SLC16A2: variants seen among roughly 807,000 people sequenced by gnomAD.
SLC16A2 encodes the protein monocarboxylate transporter 8.
In SLC16A2, 3 loss-of-function variants were observed where a neutral mutation model predicts 27.2. The ratio of observed to expected loss-of-function variants is 0.11; its 90% CI spans 0.05 to 0.28. The LOEUF (loss-of-function observed/expected upper bound fraction) is 0.28. SLC16A2 is among the 10% of genes least tolerant of loss of function. SLC16A2 has a pLI of 1.00. For missense variants in SLC16A2, 295 were observed against 458.5 expected (o/e 0.64, Z 3.26); for synonymous variants, 202 against 187.8 (o/e 1.08, Z -0.62).
intron 1 of SLC16A2, among the ~76,000 whole-genome samples, chrX:74,487,670 A>G (rs975582543): frequency 8.9e-6 from 1 of 112,014 alleles, no homozygotes; most frequent in African/African-American, 3.2e-5. Context: ...GATGATACCA[A>G]TTTACAAAAT....
intron 1 of SLC16A2, among the ~76,000 whole-genome samples, chrX:74,491,417 T>A (rs1929822452): frequency 8.9e-6 from 1 of 112,278 alleles, no homozygotes; most frequent in South Asian, 3.7e-4. Flanking sequence ...AAGGAAATGT[T>A]TGGGCTAAGA....
intron 1 of SLC16A2, among the ~76,000 whole-genome samples, chrX:74,424,236 G>C (rs1407354598): frequency 9.0e-6 from 1 of 111,225 alleles, no homozygotes; most frequent in Non-Finnish European, 1.9e-5. Flanking sequence ...AAAGGAATTT[G>C]GTATGTCCCT....
At chrX:74,514,848 T>C (rs1930292118) in intron 1 of SLC16A2, among the ~76,000 whole-genome samples, 1 of 112,113 alleles carries the variant, frequency 8.9e-6, no homozygotes, top group South Asian at 3.7e-4. Flanking sequence ...AGAGTGTCAA[T>C]AGAAGCTAAG....
intron 1 of SLC16A2, among the ~76,000 whole-genome samples, chrX:74,470,718 G>A (rs187977911): frequency 5.4e-5 from 6 of 111,211 alleles, no homozygotes; most frequent in Admixed American, 1.9e-4. Flanking sequence ...AGGCCGAGGC[G>A]GGCAGATCAG....
chrX:74,528,222 T>C (rs1379635210), intron 4 of SLC16A2, among the ~76,000 whole-genome samples: 1 of 111,440 alleles, frequency 9.0e-6, no homozygotes, highest in Non-Finnish European at 1.9e-5. Context: ...TGGGATGACC[T>C]GGCTCTGACC....
chrX:74,463,189 G>A (rs1929186296), intron 1 of SLC16A2, among the ~76,000 whole-genome samples: 2 of 111,828 alleles, frequency 1.8e-5, no homozygotes. Flanking sequence ...GCTGACAAGT[G>A]CCTCCATCAC....
intron 1 of SLC16A2, among the ~76,000 whole-genome samples, chrX:74,495,876 A>G (rs1929924124): frequency 9.0e-6 from 1 of 111,098 alleles, no homozygotes; most frequent in Admixed American, 9.5e-5. Flanking sequence ...AGGCATTTTC[A>G]TCACCACAAC....
intron 1 of SLC16A2, among the ~76,000 whole-genome samples, chrX:74,433,747 T>C (rs1407951322): frequency 1.8e-5 from 2 of 111,968 alleles, no homozygotes; most frequent in South Asian, 7.4e-4. Context: ...TTCCATTTTA[T>C]GGCCATATCA....
At chrX:74,501,709 T>C (rs942531947) in intron 1 of SLC16A2, among the ~76,000 whole-genome samples, 1 of 111,005 alleles carries the variant, frequency 9.0e-6, no homozygotes, top group African/African-American at 3.3e-5. Context: ...GGCCTAAGGG[T>C]ATGGCCTCAG....
intron 1 of SLC16A2, among the ~76,000 whole-genome samples, chrX:74,467,607 G>A (rs149680282): frequency 0.029 from 3,191 of 111,715 alleles, 46 homozygotes; most frequent in Middle Eastern, 0.092. Context: ...AGCCTTGTAG[G>A]AACAAAGCCC....
chrX:74,446,583 G>A (rs1264839158), intron 1 of SLC16A2, among the ~76,000 whole-genome samples: 1 of 111,302 alleles, frequency 9.0e-6, no homozygotes, highest in African/African-American at 3.3e-5. Flanking sequence ...TCATACCACT[G>A]CACTCTAGCC....
At chrX:74,479,810 A>G (rs1396897157) in intron 1 of SLC16A2, among the ~76,000 whole-genome samples, 1 of 111,756 alleles carries the variant, frequency 8.9e-6, no homozygotes, top group African/African-American at 3.3e-5. Context: ...ATATTGGTGA[A>G]CAGCAAATGT....
chrX:74,511,586 C>T (rs1328135823), intron 1 of SLC16A2, among the ~76,000 whole-genome samples: 2 of 112,188 alleles, frequency 1.8e-5, no homozygotes, highest in African/African-American at 6.5e-5. Flanking sequence ...AAGTAAGATA[C>T]TGAGAGGACC....
chrX:74,524,823 G>A lies in SLC16A2; in HGVS notation c.1026+14G>A, dbSNP rs1569299878. The stretch of plus-strand genomic sequence containing the variant: ...TATGTACACCTGGTGAGGAATACCA[G>A]AGTGGGCCCACCCCACCTGGCCCCA... On this transcript the variant is annotated intron_variant, in intron 3 of 5. Coordinates refer to ENST00000587091, the MANE Select transcript of SLC16A2 (RefSeq NM_006517.5). 8.4e-7 allele frequency: 1 copy of A among 1,195,281 alleles called. No homozygotes were observed. The highest frequency in any genetic ancestry group is 3.0e-5 in the East Asian group (1 of 33,795).
At chrX:74,510,568 TA>T (rs1930211091) in intron 1 of SLC16A2, among the ~76,000 whole-genome samples, 1 of 109,499 alleles carries the variant, frequency 9.1e-6, no homozygotes, top group South Asian at 3.7e-4. Context: ...TGGGCACTCT[TA>T]AGTGTAGGTC....
intron 1 of SLC16A2, chrX:74,473,924 G>A (rs1047859913): frequency 9.8e-6 from 4 of 409,088 alleles, no homozygotes; most frequent in South Asian, 8.6e-5. Flanking sequence ...TCAGCTGTTC[G>A]GGCCCTTTAG....
intron 1 of SLC16A2, among the ~76,000 whole-genome samples, chrX:74,439,990 G>A (rs1374066331): frequency 9.0e-6 from 1 of 111,647 alleles, no homozygotes; most frequent in Non-Finnish European, 1.9e-5. Context: ...ATGTAGGCTA[G>A]AAAATTGTTT....
chrX:74,461,407 A>AGTGT lies in SLC16A2; in HGVS notation c.430+39360_430+39363dup, dbSNP rs140818072. Among the ~76,000 whole-genome samples the AGTGT allele has an allele frequency of 4.5e-3, 468 of 103,784 alleles. 1 individual carries two copies. Among genetic ancestry groups the AGTGT allele is most frequent in the East Asian group, 0.014 (44 of 3,154 alleles). 90.1% of individuals were successfully genotyped at this position (103,784 alleles called of 115,157 possible). The stretch of plus-strand genomic sequence containing the variant: ...AAAGGAGAGAAAGGGAGAGAGAGAG[A>AGTGT]GTGTGTGTGTGTGTGTGTGTGTGCA... On this transcript the variant is annotated intron_variant, in intron 1 of 5. Coordinates refer to ENST00000587091, the MANE Select transcript of SLC16A2 (RefSeq NM_006517.5).
chrX:74,456,708 C>G (rs1166308341), intron 1 of SLC16A2, among the ~76,000 whole-genome samples: 2 of 112,055 alleles, frequency 1.8e-5, no homozygotes, highest in Non-Finnish European at 3.8e-5. Context: ...TAGACAATTC[C>G]TTAGGACCAG....
Sources: allele counts gnomAD v4.1 joint callset (sites outside exome capture counted in the v4.1 genomes callset), GRCh38; gene constraint gnomAD v4.1.1; transcripts MANE v1.5; gene names NCBI Gene and HGNC (gene_info 2026-07-23, HGNC 2026-07-21).